SNAP91: variants seen among roughly 807,000 people sequenced by gnomAD.
SNAP91 encodes clathrin coat assembly protein AP180.
SNAP91 carries 27 observed loss-of-function variants against 100.3 expected under a neutral mutation model. The ratio of observed to expected loss-of-function variants is 0.27; its 90% confidence interval spans 0.20 to 0.37. The LOEUF is 0.37. SNAP91 is among the 10% of genes least tolerant of loss of function. The probability of loss-of-function intolerance (pLI) is 1.00; values close to 1 mark genes in which losing one functional copy is unlikely to be tolerated. For synonymous variants in SNAP91, 404 were observed against 398.6 expected (o/e 1.01, Z -0.16); for missense variants, 986 against 1,123.7 (o/e 0.88, Z 1.75).
chr6:83,564,634 G>A (rs946250908), intron 26 of SNAP91, among the ~76,000 whole-genome samples: 6 of 151,946 alleles, frequency 3.9e-5, no homozygotes, highest in African/African-American at 1.2e-4. Context: ...CAAAGTACTG[G>A]GATTAGAGGC....
intron 2 of SNAP91, among the ~76,000 whole-genome samples, chr6:83,691,814 T>C (rs1209697133): frequency 6.6e-6 from 1 of 152,100 alleles, no homozygotes. Flanking sequence ...TGTAAAGTAA[T>C]ATCTAAAAAA....
chr6:83,687,527 G>C (rs2099076063), intron 2 of SNAP91, among the ~76,000 whole-genome samples: 1 of 152,096 alleles, frequency 6.6e-6, no homozygotes, highest in South Asian at 2.1e-4. Flanking sequence ...CTCATCTCGG[G>C]CAGAGGCCAC....
intron 16 of SNAP91, among the ~76,000 whole-genome samples, chr6:83,598,892 T>A (rs970198767): frequency 2.0e-5 from 3 of 152,186 alleles, no homozygotes; most frequent in Non-Finnish European, 4.4e-5. Flanking sequence ...GGAAATTGTA[T>A]AGCTATCAGA....
intron 22 of SNAP91, among the ~76,000 whole-genome samples, chr6:83,583,755 G>C (rs562646020): frequency 6.6e-6 from 1 of 152,150 alleles, no homozygotes; most frequent in African/African-American, 2.4e-5. Context: ...TTAAGTTTAC[G>C]TTCCATAGAA....
chr6:83,661,515 T>G lies in SNAP91; in HGVS notation c.439A>C (p.Arg147=), dbSNP rs1455895888. 1 of 1,604,338 alleles carries G rather than the reference T, an allele frequency of 6.2e-7. No homozygotes were observed. Among genetic ancestry groups the G allele is most frequent in the Admixed American group, 1.7e-5 (1 of 58,632 alleles). ...SYRQMAFDFA[R]VKKGADGVMR... ...ACAAAAACATACCCTTTCTTCACCC[T>G]GGCAAAATCAAAGGCCATCTGTCTG... Residue 147 remains arginine (R), a synonymous_variant, in exon 5 of 30, where the codon AGG becomes CGG. Transcript: ENST00000369694.
At chr6:83,665,193 T>C (rs1000567112) in intron 3 of SNAP91, among the ~76,000 whole-genome samples, 3 of 152,106 alleles carry the variant, frequency 2.0e-5, no homozygotes, top group African/African-American at 7.2e-5. Flanking sequence ...TGGTCTGGAA[T>C]CAAACCTGCA....
intron 7 of SNAP91, among the ~76,000 whole-genome samples, chr6:83,650,359 C>T (rs934690905): frequency 1.3e-5 from 2 of 152,188 alleles, no homozygotes; most frequent in African/African-American, 4.8e-5. Flanking sequence ...GGACATAATA[C>T]AAGATACAGG....
At chr6:83,585,330 G>T (rs532912613) in intron 22 of SNAP91, among the ~76,000 whole-genome samples, 2 of 151,976 alleles carry the variant, frequency 1.3e-5, no homozygotes, top group Non-Finnish European at 2.9e-5. Context: ...TCAATATAGC[G>T]AGACCTCATT....
chr6:83,641,312 A>C (rs555295520), intron 7 of SNAP91, 110 bp from the exon 8 acceptor site: 3 of 529,252 alleles, frequency 5.7e-6, no homozygotes, highest in African/African-American at 4.0e-5. Flanking sequence ...GAATCAAAAC[A>C]CTTGGCAGTA....
chr6:83,597,862 T>C (rs541615916), intron 16 of SNAP91, among the ~76,000 whole-genome samples: 1 of 152,352 alleles, frequency 6.6e-6, no homozygotes, highest in South Asian at 2.1e-4. Flanking sequence ...ACATGAAATC[T>C]AGTTGAAAGT....
chr6:83,629,449 C>G (rs2097114603), intron 8 of SNAP91, among the ~76,000 whole-genome samples: 3 of 151,918 alleles, frequency 2.0e-5, no homozygotes, highest in Admixed American at 2.0e-4. Context: ...TTGCTTTTGG[C>G]AGTATGGTCA....
intron 6 of SNAP91, among the ~76,000 whole-genome samples, chr6:83,657,930 C>CTTTTTTTTTTT (rs536763578): frequency 1.9e-5 from 2 of 106,120 alleles, no homozygotes; most frequent in Non-Finnish European, 3.8e-5. Flanking sequence ...CCACACCTTG[C>CTTTTTTTTTTT]TTTTTTTTTT....
At chr6:83,697,503 CA>C (rs1481684126) in intron 2 of SNAP91, among the ~76,000 whole-genome samples, 3 of 152,054 alleles carry the variant, frequency 2.0e-5, no homozygotes, top group East Asian at 1.9e-4. Context: ...TAAAATCTAA[CA>C]TTTTTTTCAA....
At chr6:83,678,636 A>G (rs1258201532) in intron 2 of SNAP91, 2 of 773,162 alleles carry the variant, frequency 2.6e-6, no homozygotes, top group South Asian at 1.4e-5. Context: ...ATGTCTCTCA[A>G]ATTCTTTTCT....
chr6:83,585,854 T>C (rs1209153111), intron 22 of SNAP91, among the ~76,000 whole-genome samples: 1 of 141,382 alleles, frequency 7.1e-6, no homozygotes, highest in African/African-American at 2.6e-5. Flanking sequence ...TTTTTCTTTC[T>C]TTTTTTTTTT....
At position 83,665,527 on chromosome 6, in the gene SNAP91, G is replaced by A. The variant is rs775803064; in HGVS notation, c.185C>T (p.Thr62Ile). 2 of 1,612,812 alleles carry A rather than the reference G, an allele frequency of 1.2e-6. No individual in the cohort carries two copies. The highest frequency in any genetic ancestry group is 2.7e-5 in the African/African-American group (2 of 74,820). ...TNVNIPQMAD[T>I]LFERATNSSW... ...ACTGTTTGTTGCCCGCTCAAAGAGAGTGTCGGCCATCTGAGGAATATTAAC... is the reference window on the plus strand; with the variant it reads ...ACTGTTTGTTGCCCGCTCAAAGAGAATGTCGGCCATCTGAGGAATATTAAC... Residue 62 changes from threonine (T) to isoleucine (I), a missense_variant, in exon 3 of 30, where the codon ACT becomes ATT. Coordinates refer to ENST00000369694, the MANE Select transcript of SNAP91 (RefSeq NM_001242792.2).
chr6:83,624,995 T>C (rs1031005279), intron 8 of SNAP91, among the ~76,000 whole-genome samples: 3 of 152,080 alleles, frequency 2.0e-5, no homozygotes, highest in African/African-American at 7.2e-5. Flanking sequence ...GTTACCCAGA[T>C]AGTGAACACA....
intron 3 of SNAP91, among the ~76,000 whole-genome samples, 170 bp from the exon 4 acceptor site, chr6:83,662,592 A>C (rs1270493219): frequency 6.6e-6 from 1 of 152,078 alleles, no homozygotes; most frequent in African/African-American, 2.4e-5. Context: ...AAGCTTTGTG[A>C]ATTAGAATTA....
rs145690093 is a variant in SNAP91, at chr6:83,597,107, A to T, written c.1325-2626T>A. 2.4e-3 allele frequency among the ~76,000 whole-genome samples: 370 copies of T among 152,034 alleles called. 1 individual carries two copies. The highest frequency in any genetic ancestry group is 8.0e-3 in the African/African-American group (333 of 41,456). On this transcript the variant is annotated intron_variant, in intron 16 of 29. Coordinates refer to ENST00000369694, the MANE Select transcript of SNAP91 (RefSeq NM_001242792.2). ...TTTAATTCTTCTCTTGTTACTTGAA[A>T]CTAAATATTATCAACTTAACTCATC...
Sources: allele counts gnomAD v4.1 joint callset (sites outside exome capture counted in the v4.1 genomes callset), GRCh38; gene constraint gnomAD v4.1.1; transcripts MANE v1.5; gene names NCBI Gene and HGNC (gene_info 2026-07-23, HGNC 2026-07-21).